NTM: variants seen among roughly 807,000 people sequenced by gnomAD.
The protein encoded by NTM is IgLON family member 2.
NTM carries 13 observed loss-of-function variants against 42.1 expected under a neutral mutation model. The ratio of observed to expected loss-of-function variants is 0.31; its 90% confidence interval spans 0.20 to 0.49. The LOEUF (loss-of-function observed/expected upper bound fraction) is 0.49, where lower values mean the gene tolerates loss of function less well. Among genes scored for constraint, NTM ranks in the 20% least tolerant of loss-of-function variants. The pLI is 0.99. For synonymous variants in NTM, 187 were observed against 179.2 expected (o/e 1.04, Z -0.35); for missense variants, 373 against 452.8 (o/e 0.82, Z 1.60).
chr11:131,570,683 C>T (rs934412748), intron 1 of NTM, among the ~76,000 whole-genome samples: 3 of 152,070 alleles, frequency 2.0e-5, no homozygotes, highest in Admixed American at 6.6e-5. Flanking sequence ...ATTAGCCAGG[C>T]GTGGTGGTGC....
At position 131,789,508 on chromosome 11, in the gene NTM, AG is replaced by A. The variant is rs1349953363; in HGVS notation, c.83-122055del. Among the ~76,000 whole-genome samples the A allele has an allele frequency of 1.2e-4, 2 of 16,178 alleles. 1 individual carries two copies. Among genetic ancestry groups the A allele is most frequent in the African/African-American group, 6.9e-4 (2 of 2,886 alleles). The allele number at this position is 16,178 out of a possible 152,430, so 10.6% of individuals were successfully genotyped here. On this transcript the variant is annotated intron_variant, in intron 1 of 8. Coordinates refer to ENST00000683400, the MANE Select transcript of NTM (RefSeq NM_001352005.2). Reference sequence around the variant, plus strand: ...AGAAGAAGAGGAAAGAAGAAGAAGAAGAAGAAGAAGAAGAAGAAGAAGAAGA... The same window carrying A: ...AGAAGAAGAGGAAAGAAGAAGAAGAAAAGAAGAAGAAGAAGAAGAAGAAGA...
At chr11:131,550,065 G>A (rs1238384874) in intron 1 of NTM, among the ~76,000 whole-genome samples, 4 of 152,138 alleles carry the variant, frequency 2.6e-5, no homozygotes, top group African/African-American at 9.7e-5. Flanking sequence ...TGAGAATCAT[G>A]GCATGAGAAT....
intron 1 of NTM, among the ~76,000 whole-genome samples, chr11:131,457,050 T>C (rs1950964472): frequency 6.6e-6 from 1 of 152,142 alleles, no homozygotes; most frequent in African/African-American, 2.4e-5. Context: ...ATATTACAAA[T>C]CAATAATTCA....
At chr11:132,029,881 T>C (rs919557041) in intron 2 of NTM, among the ~76,000 whole-genome samples, 3 of 152,198 alleles carry the variant, frequency 2.0e-5, no homozygotes, top group Non-Finnish European at 2.9e-5. Flanking sequence ...TTACCAGTCC[T>C]CGTGTTTACA....
At chr11:131,988,194 C>T (rs1409087827) in intron 2 of NTM, among the ~76,000 whole-genome samples, 1 of 152,220 alleles carries the variant, frequency 6.6e-6, no homozygotes, top group Non-Finnish European at 1.5e-5. Flanking sequence ...GGGTTCCACA[C>T]TCATTACTTA....
At chr11:131,617,251 C>A (rs1224557154) in intron 1 of NTM, among the ~76,000 whole-genome samples, 2 of 152,008 alleles carry the variant, frequency 1.3e-5, no homozygotes, top group African/African-American at 4.8e-5. Flanking sequence ...TCTAGGGTGA[C>A]GTGGCTACAG....
At chr11:132,042,624 G>C (rs1244399701) in intron 2 of NTM, among the ~76,000 whole-genome samples, 1 of 152,168 alleles carries the variant, frequency 6.6e-6, no homozygotes, top group Non-Finnish European at 1.5e-5. Flanking sequence ...TGAGCTTAGA[G>C]CTGGGAACAC....
At chr11:131,827,773 C>T (rs1293684109) in intron 1 of NTM, among the ~76,000 whole-genome samples, 1 of 152,162 alleles carries the variant, frequency 6.6e-6, no homozygotes, top group African/African-American at 2.4e-5. Context: ...TATCTGGTGT[C>T]CTTCCCCAAA....
At chr11:131,621,825 GAAAAAA>G (rs34307645) in intron 1 of NTM, among the ~76,000 whole-genome samples, 2 of 105,538 alleles carry the variant, frequency 1.9e-5, no homozygotes, top group Non-Finnish European at 3.7e-5. Flanking sequence ...TCAACTCAAA[GAAAAAA>G]AAAAAAAAAA....
intron 4 of NTM, among the ~76,000 whole-genome samples, chr11:132,296,429 CCA>C (rs747210474): frequency 4.1e-4 from 63 of 152,230 alleles, no homozygotes; most frequent in Non-Finnish European, 8.5e-4. Flanking sequence ...AAATTATTTC[CCA>C]CGTGTTAATC....
intron 3 of NTM, among the ~76,000 whole-genome samples, chr11:132,149,075 T>C (rs183003246): frequency 1.3e-5 from 2 of 152,138 alleles, no homozygotes; most frequent in Non-Finnish European, 2.9e-5. Context: ...GCTGTCGATA[T>C]GCCTGGACTG....
chr11:131,529,476 A>C (rs1415876421), intron 1 of NTM, among the ~76,000 whole-genome samples: 1 of 152,164 alleles, frequency 6.6e-6, no homozygotes, highest in Non-Finnish European at 1.5e-5. Context: ...CTCAGAGGGT[A>C]AATAGGATGG....
At chr11:131,807,303 T>A (rs2092547577) in intron 1 of NTM, among the ~76,000 whole-genome samples, 1 of 152,208 alleles carries the variant, frequency 6.6e-6, no homozygotes, top group Admixed American at 6.5e-5. Context: ...GGCACTATAT[T>A]TTTTTGAAAG....
chr11:131,507,536 G>A (rs918706418), intron 1 of NTM, among the ~76,000 whole-genome samples: 54 of 152,238 alleles, frequency 3.5e-4, no homozygotes, highest in Middle Eastern at 3.4e-3. Context: ...ACTTGGTGAT[G>A]CGGGCTCTTT....
chr11:131,397,827 C>T lies in NTM; in HGVS notation c.82+26939C>T, dbSNP rs532191117. On this transcript the variant is annotated intron_variant, in intron 1 of 8. Transcript: ENST00000683400. Reference sequence around the variant, plus strand: ...TACAGGGACAGCCATACTCATCTCTCCCTTCCCTGCAGAGCACCGCTGATA... The same window carrying T: ...TACAGGGACAGCCATACTCATCTCTTCCTTCCCTGCAGAGCACCGCTGATA... Among the ~76,000 whole-genome samples the T allele has an allele frequency of 3.3e-5, 5 of 152,310 alleles. No homozygotes were observed. The East Asian group carries it at 9.7e-4, about 29-fold the overall frequency.
intron 1 of NTM, among the ~76,000 whole-genome samples, chr11:131,830,593 G>C (rs1184041269): frequency 6.6e-6 from 1 of 152,184 alleles, no homozygotes; most frequent in Non-Finnish European, 1.5e-5. Context: ...TTTGAAGTCA[G>C]GTAGTGTGAT....
intron 2 of NTM, among the ~76,000 whole-genome samples, chr11:131,968,279 G>A (rs555408294): frequency 7.2e-5 from 11 of 152,278 alleles, no homozygotes; most frequent in African/African-American, 1.9e-4. Context: ...ATTTGTGAGC[G>A]GAGGTCTGCT....
chr11:131,606,767 C>T (rs1449898883), intron 1 of NTM, among the ~76,000 whole-genome samples: 2 of 152,124 alleles, frequency 1.3e-5, no homozygotes, highest in East Asian at 1.9e-4. Context: ...GCAATAATAG[C>T]TATTAAACTC....
At position 131,598,691 on chromosome 11, in the gene NTM, CTTTCTTTCTT is replaced by C. The variant is rs1211080884; in HGVS notation, c.82+227805_82+227814del. On this transcript the variant is annotated intron_variant, in intron 1 of 8. Transcript: ENST00000683400. ...TACTCTCTTCTCATTTGTTTTCTTT[CTTTCTTTCTT>C]TCTTTCTTTCTTTCTTTCTTTCTTT... Among the ~76,000 whole-genome samples, 4 of 32,084 alleles carry C rather than the reference CTTTCTTTCTT, an allele frequency of 1.2e-4. 1 individual carries two copies. Among genetic ancestry groups the C allele is most frequent in the Non-Finnish European group, 3.1e-4 (4 of 13,100 alleles). The allele number at this position is 32,084 out of a possible 152,430, so 21.0% of individuals were successfully genotyped here.
Sources: gnomAD v4.1 joint callset for allele counts (sites outside exome capture counted in the v4.1 genomes callset) on GRCh38, gnomAD v4.1.1 for gene constraint, MANE v1.5 for transcripts, NCBI Gene and HGNC (gene_info 2026-07-23, HGNC 2026-07-21) for gene names.